The following KIRREL3 variants were observed in gnomAD, a reference collection of about 807,000 sequenced individuals.
The protein encoded by KIRREL3 is kirre like nephrin family adhesion molecule 3.
Under a neutral mutation model 89.7 loss-of-function variants are expected in KIRREL3, and 36 were observed. The observed-to-expected ratio is 0.40, with a 90% CI of 0.31 to 0.53. KIRREL3 has a LOEUF of 0.53. Among genes scored for constraint, KIRREL3 ranks in the 20% least tolerant of loss-of-function variants. KIRREL3 has a pLI of 0.49. For missense variants in KIRREL3, 864 were observed against 1,056.6 expected, an observed-to-expected ratio of 0.82 and a Z score of 2.53; for synonymous variants, 445 against 441.4, an observed-to-expected ratio of 1.01 and a Z score of -0.10.
At chr11:126,901,463 A>T (rs1946368336) in intron 1 of KIRREL3, among the ~76,000 whole-genome samples, 1 of 152,178 alleles carries the variant, frequency 6.6e-6, no homozygotes, top group African/African-American at 2.4e-5. Context: ...CAGCAAATCC[A>T]GCTCCATTCT....
chr11:126,784,418 GAAT>G (rs368297647), intron 1 of KIRREL3, among the ~76,000 whole-genome samples: 1 of 152,054 alleles, frequency 6.6e-6, no homozygotes, highest in Non-Finnish European at 1.5e-5. Flanking sequence ...GGCACTGCTA[GAAT>G]AATAATAATA....
rs1946438746 is a variant in KIRREL3, at chr11:126,903,168, A to G, written c.55+97287T>C. On this transcript the variant is annotated intron_variant, in intron 1 of 16. Coordinates refer to ENST00000525144, the MANE Select transcript of KIRREL3 (RefSeq NM_032531.4). This position sits in a 1 kb window ranked among gnomAD's most constrained non-coding sequence, Gnocchi z 4.5. The stretch of plus-strand genomic sequence containing the variant: ...AAATATGCTTCTGATTTAAGAAATT[A>G]TTATAGAAAAATGCTGGAAGCCTTG... Among the ~76,000 whole-genome samples the G allele has an allele frequency of 1.3e-5, 2 of 152,200 alleles. No homozygotes were observed. The highest frequency in any genetic ancestry group is 2.9e-5 in the Non-Finnish European group (2 of 68,026).
At chr11:126,450,345 G>T (rs1332417156) in intron 7 of KIRREL3, among the ~76,000 whole-genome samples, 4 of 151,136 alleles carry the variant, frequency 2.6e-5, no homozygotes, top group African/African-American at 9.8e-5. Context: ...GTGGGCATGT[G>T]TGTCCATGTG....
At position 126,565,279 on chromosome 11, in the gene KIRREL3, A is replaced by G. The variant is rs1940433417; in HGVS notation, c.56-2367T>C. ...GAGAACTCAACCTCTCCTATGCCAC[A>G]TACTAGGACACCCCCCAGGGCAACT... On this transcript the variant is annotated intron_variant, in intron 1 of 16. Coordinates refer to ENST00000525144, the MANE Select transcript of KIRREL3 (RefSeq NM_032531.4). This position sits in a 1 kb window ranked among gnomAD's most constrained non-coding sequence, Gnocchi z 5.4. Among the ~76,000 whole-genome samples, 1 of 152,204 alleles carries G rather than the reference A, an allele frequency of 6.6e-6. No individual in the cohort carries two copies. Among genetic ancestry groups the G allele is most frequent in the Non-Finnish European group, 1.5e-5 (1 of 68,040 alleles).
intron 1 of KIRREL3, among the ~76,000 whole-genome samples, chr11:126,816,593 A>G (rs780179962): frequency 4.6e-5 from 7 of 152,216 alleles, no homozygotes; most frequent in Non-Finnish European, 7.3e-5. Context: ...CTGAATTTTG[A>G]GGCCAGACCT....
chr11:126,852,515 T>A (rs1944377475), intron 1 of KIRREL3, among the ~76,000 whole-genome samples: 1 of 152,186 alleles, frequency 6.6e-6, no homozygotes, highest in African/African-American at 2.4e-5. Context: ...CTATGTGCCA[T>A]ATATATAGTA....
rs1014427620 is a variant in KIRREL3, at chr11:126,943,595, C to T, written c.55+56860G>A. Among the ~76,000 whole-genome samples, 7 of 152,178 alleles carry T rather than the reference C, an allele frequency of 4.6e-5. No homozygotes were observed. The highest frequency in any genetic ancestry group is 8.8e-5 in the Non-Finnish European group (6 of 68,038). On this transcript the variant is annotated intron_variant, in intron 1 of 16. Coordinates refer to ENST00000525144, the MANE Select transcript of KIRREL3 (RefSeq NM_032531.4). The surrounding 1 kb of genome is among the most constrained non-coding windows in gnomAD (Gnocchi z 4.2). ...TAAATGAACAGTAATGCATTCATAT[C>T]GAATACATCTCAGAGCATAAGTGCC...
At chr11:126,646,894 C>A (rs563350542) in intron 1 of KIRREL3, among the ~76,000 whole-genome samples, 1 of 152,114 alleles carries the variant, frequency 6.6e-6, no homozygotes, top group Non-Finnish European at 1.5e-5. Flanking sequence ...GTTGAGACAA[C>A]GTTTTTCCCC....
intron 1 of KIRREL3, among the ~76,000 whole-genome samples, chr11:126,629,149 C>T (rs371493031): frequency 6.6e-6 from 1 of 152,168 alleles, no homozygotes; most frequent in Non-Finnish European, 1.5e-5. Context: ...AAAAAATGTG[C>T]GTCTCATATT....
rs1228422186 is a variant in KIRREL3 at position 126,981,009 on chromosome 11, A to G, written c.55+19446T>C. Among the ~76,000 whole-genome samples the G allele has an allele frequency of 6.6e-6, 1 of 152,234 alleles. No homozygotes were observed. Among genetic ancestry groups the G allele is most frequent in the Non-Finnish European group, 1.5e-5 (1 of 68,042 alleles). On this transcript the variant is annotated intron_variant, in intron 1 of 16. Transcript: ENST00000525144. This position sits in a 1 kb window ranked among gnomAD's most constrained non-coding sequence, Gnocchi z 4.2. Reference sequence around the variant, plus strand: ...GAAATTTTCATCCTCAGTACTTAGCAATGAGAGATGGTATACTTAGATCTC... The same window carrying G: ...GAAATTTTCATCCTCAGTACTTAGCGATGAGAGATGGTATACTTAGATCTC...
rs1336596612 is a variant in KIRREL3 at position 126,943,414 on chromosome 11, T to A, written c.55+57041A>T. 6.6e-6 allele frequency among the ~76,000 whole-genome samples: 1 copy of A among 152,212 alleles called. No homozygotes were observed. The highest frequency in any genetic ancestry group is 1.5e-5 in the Non-Finnish European group (1 of 68,040). On this transcript the variant is annotated intron_variant, in intron 1 of 16. Transcript: ENST00000525144. This position sits in a 1 kb window ranked among gnomAD's most constrained non-coding sequence, Gnocchi z 4.2. ...TCTGATACCATTATCACTGACATCA[T>A]CAAAAGAAGTTCCCTTTATAGATTG...
chr11:126,914,476 G>A (rs895284079), intron 1 of KIRREL3, among the ~76,000 whole-genome samples: 3 of 152,226 alleles, frequency 2.0e-5, no homozygotes, highest in Non-Finnish European at 4.4e-5. Context: ...CAGATTGTGA[G>A]GACACTAGAG....
intron 1 of KIRREL3, among the ~76,000 whole-genome samples, chr11:126,998,401 T>A (rs2135301267): frequency 6.6e-6 from 1 of 152,302 alleles, no homozygotes; most frequent in South Asian, 2.1e-4. Flanking sequence ...CCATGTCCAC[T>A]TGGGTCTCCT....
intron 1 of KIRREL3, among the ~76,000 whole-genome samples, chr11:126,760,363 G>T (rs191356281): frequency 1.3e-5 from 2 of 152,336 alleles, no homozygotes; most frequent in East Asian, 3.9e-4. Flanking sequence ...TCTATGCTCA[G>T]CCTAACTGCT....
At position 126,579,743 on chromosome 11, in the gene KIRREL3, C is replaced by T. The variant is rs756435706; in HGVS notation, c.56-16831G>A. ...GCTGGTAAGCAATGTGCCCAACCAC[C>T]CTCTCTGCTCTCATGACCCCCTGCC... On this transcript the variant is annotated intron_variant, in intron 1 of 16. Coordinates refer to ENST00000525144, the MANE Select transcript of KIRREL3 (RefSeq NM_032531.4). The surrounding 1 kb of genome is among the most constrained non-coding windows in gnomAD (Gnocchi z 5.3). Among the ~76,000 whole-genome samples, 45 of 152,234 alleles carry T rather than the reference C, an allele frequency of 3.0e-4. No individual in the cohort carries two copies. The highest frequency in any genetic ancestry group is 6.0e-4 in the Non-Finnish European group (41 of 68,028).
Position 126,750,816 on chromosome 11 carries a change from A to G in KIRREL3, c.56-187904T>C, listed in dbSNP as rs1949309583. 6.6e-6 allele frequency among the ~76,000 whole-genome samples: 1 copy of G among 152,244 alleles called. No homozygotes were observed. Among genetic ancestry groups the G allele is most frequent in the Non-Finnish European group, 1.5e-5 (1 of 68,040 alleles). ...TGCAAACGTTGGAACTCAGGTCCTC[A>G]GTGACTGATGCTCATATATTCTTTC... is the stretch of plus-strand genomic sequence containing the variant. On this transcript the variant is annotated intron_variant, in intron 1 of 16. Coordinates refer to ENST00000525144, the MANE Select transcript of KIRREL3 (RefSeq NM_032531.4). This position sits in a 1 kb window ranked among gnomAD's most constrained non-coding sequence, Gnocchi z 4.2.
intron 1 of KIRREL3, chr11:126,936,712 C>G (rs1948206204): frequency 1.3e-5 from 2 of 152,180 alleles, no homozygotes. Flanking sequence ...AGACAAATCT[C>G]TAGCAATAGA....
rs1951074656 is a variant in KIRREL3 at position 126,802,584 on chromosome 11, G to A, written c.55+197871C>T. On this transcript the variant is annotated intron_variant, in intron 1 of 16. Coordinates refer to ENST00000525144, the MANE Select transcript of KIRREL3 (RefSeq NM_032531.4). The surrounding 1 kb of genome is among the most constrained non-coding windows in gnomAD (Gnocchi z 5.2). ...CATGGCCTCAGTGTGAGTGAGTGTG[G>A]GCATGTGTGTGTGTGAGTGACCCTG... Among the ~76,000 whole-genome samples, 1 of 152,090 alleles carries A rather than the reference G, an allele frequency of 6.6e-6. No homozygotes were observed. The highest frequency in any genetic ancestry group is 6.5e-5 in the Admixed American group (1 of 15,278).
In KIRREL3 at chr11:126,537,424, G is replaced by C. The variant is rs972295362; in HGVS notation, c.134-10737C>G. On this transcript the variant is annotated intron_variant, in intron 2 of 16. Coordinates refer to ENST00000525144, the MANE Select transcript of KIRREL3 (RefSeq NM_032531.4). The surrounding 1 kb of genome is among the most constrained non-coding windows in gnomAD (Gnocchi z 4.3). ...TTGCTTCAAGCAAGGGAGTTGTGGG[G>C]AGGAAGCAGAGAAGGCATCCTGGAG... is the stretch of plus-strand genomic sequence containing the variant. Among the ~76,000 whole-genome samples, 2 of 152,340 alleles carry C rather than the reference G, an allele frequency of 1.3e-5. No homozygotes were observed. Among genetic ancestry groups the C allele is most frequent in the East Asian group, 3.9e-4 (2 of 5,176 alleles).
Sources: allele counts gnomAD v4.1 joint callset (sites outside exome capture counted in the v4.1 genomes callset), GRCh38; gene constraint gnomAD v4.1.1; non-coding constraint Gnocchi (gnomAD v3.1); transcripts MANE v1.5; gene names NCBI Gene and HGNC (gene_info 2026-07-23, HGNC 2026-07-21).